Variants in ANTXR1 observed in about 807,000 individuals in gnomAD.
ANTXR1 encodes anthrax toxin receptor 1.
ANTXR1 carries 19 observed loss-of-function variants against 78.1 expected under a neutral mutation model. That is an observed-to-expected ratio of 0.24 (90% confidence interval 0.17 to 0.36). The LOEUF (loss-of-function observed/expected upper bound fraction) is 0.36, where lower values mean the gene tolerates loss of function less well. ANTXR1 is among the 10% of genes least tolerant of loss of function. The probability of loss-of-function intolerance (pLI) is 1.00; values close to 1 mark genes in which losing one functional copy is unlikely to be tolerated. For synonymous variants in ANTXR1, 273 were observed against 260.5 expected, an observed-to-expected ratio of 1.05 and a Z score of -0.46; for missense variants, 518 against 718.6, an observed-to-expected ratio of 0.72 and a Z score of 3.19.
intron 8 of ANTXR1, among the ~76,000 whole-genome samples, chr2:69,083,260 A>C (rs1670949890): frequency 6.6e-6 from 1 of 152,354 alleles, no homozygotes; most frequent in East Asian, 1.9e-4. Context: ...AAGTCCTGGA[A>C]AGTGTCTGCC....
chr2:69,119,363 G>C (rs571756193), intron 10 of ANTXR1, among the ~76,000 whole-genome samples: 1 of 152,184 alleles, frequency 6.6e-6, no homozygotes, highest in African/African-American at 2.4e-5. Context: ...TGGCTGCCCC[G>C]TGGCTCTGTG....
chr2:69,243,322 C>T (rs1675935487), intron 17 of ANTXR1, among the ~76,000 whole-genome samples: 1 of 152,298 alleles, frequency 6.6e-6, no homozygotes, highest in South Asian at 2.1e-4. Flanking sequence ...CAAAACAAGG[C>T]TGCAGCCTTC....
intron 17 of ANTXR1, among the ~76,000 whole-genome samples, chr2:69,234,843 C>T (rs1383800877): frequency 6.6e-6 from 1 of 151,990 alleles, no homozygotes; most frequent in Non-Finnish European, 1.5e-5. Context: ...ACCCATTTTA[C>T]AGAAAAGAAA....
Position 69,245,501 on chromosome 2 carries a change from C to G in ANTXR1, c.*16C>G, listed in dbSNP as rs72903178. 11,504 of 1,613,242 alleles carry G rather than the reference C, an allele frequency of 7.1e-3. 750 individuals are homozygous for G. In the African/African-American group the frequency reaches 0.13, roughly 19 times the overall value. On this transcript the variant is annotated 3_prime_UTR_variant, in exon 18 of 18. Coordinates refer to ENST00000303714, the MANE Select transcript of ANTXR1 (RefSeq NM_032208.3). ...TTCTGTCTAGAGCCCAAAGTTCCTG[C>G]TCTGGGCTCTCTCAGAAACTTCAGG...
At position 69,063,501 on chromosome 2, in the gene ANTXR1, G is replaced by T. The variant is rs555277170; in HGVS notation, c.297-7146G>T. Among the ~76,000 whole-genome samples, 4 of 151,416 alleles carry T rather than the reference G, an allele frequency of 2.6e-5. No individual in the cohort carries two copies. In the East Asian group the frequency reaches 7.8e-4, roughly 29 times the overall value. On this transcript the variant is annotated intron_variant, in intron 3 of 17. Transcript: ENST00000303714. ...AGAGAATCATCAGCAGCAAATCTGCGCTATTAAAAAAAATGCTAAAGGAAT... is the reference window on the plus strand; with the variant it reads ...AGAGAATCATCAGCAGCAAATCTGCTCTATTAAAAAAAATGCTAAAGGAAT...
chr2:69,140,083 A>G (rs1673028022), intron 12 of ANTXR1, among the ~76,000 whole-genome samples: 1 of 152,190 alleles, frequency 6.6e-6, no homozygotes, highest in African/African-American at 2.4e-5. Context: ...AATGAATCCA[A>G]AATTTACTTT....
rs764291898 is a variant in ANTXR1, at chr2:69,141,228, C to A, written c.952-10941C>A. Among the ~76,000 whole-genome samples the A allele has an allele frequency of 2.6e-5, 4 of 152,082 alleles. No homozygotes were observed. The East Asian group carries it at 7.7e-4, about 29-fold the overall frequency. On this transcript the variant is annotated intron_variant, in intron 12 of 17. Transcript: ENST00000303714. ...CACATCACCAGGAACTTGGCTTGGA[C>A]GTAGAAGGAAAGGGAGGATGGAAAG...
intron 3 of ANTXR1, among the ~76,000 whole-genome samples, chr2:69,055,962 C>T (rs1670054650): frequency 6.6e-6 from 1 of 152,102 alleles, no homozygotes. Flanking sequence ...ATAGTAATGC[C>T]CACCATATGG....
chr2:69,072,761 A>G (rs528576881), intron 5 of ANTXR1, among the ~76,000 whole-genome samples: 1 of 152,214 alleles, frequency 6.6e-6, no homozygotes, highest in Non-Finnish European at 1.5e-5. Context: ...ATGTTGGTTT[A>G]GTGACCATTT....
At position 69,022,080 on chromosome 2, in the gene ANTXR1, G is replaced by C. The variant is rs185969597; in HGVS notation, c.152+8429G>C. Among the ~76,000 whole-genome samples the C allele has an allele frequency of 1.3e-4, 20 of 152,282 alleles. No individual in the cohort carries two copies. The East Asian group carries it at 3.9e-3, about 29-fold the overall frequency. On this transcript the variant is annotated intron_variant, in intron 1 of 17. Coordinates refer to ENST00000303714, the MANE Select transcript of ANTXR1 (RefSeq NM_032208.3). ...ACCTAAGTATTACATGAATATATTTGAAAGATAAAACTCTCTTTTTCCATA... is the reference window on the plus strand; with the variant it reads ...ACCTAAGTATTACATGAATATATTTCAAAGATAAAACTCTCTTTTTCCATA...
chr2:69,066,977 C>A (rs1670418139), intron 3 of ANTXR1, among the ~76,000 whole-genome samples: 1 of 152,140 alleles, frequency 6.6e-6, no homozygotes, highest in African/African-American at 2.4e-5. Context: ...AGGTTCTTAT[C>A]ATCCCCTAAA....
In ANTXR1 at chr2:69,120,673, AG is replaced by A. The variant is rs375103084; in HGVS notation, c.803-2343del. Among the ~76,000 whole-genome samples the A allele has an allele frequency of 3.3e-5, 5 of 151,652 alleles. No individual in the cohort carries two copies. The South Asian group carries it at 6.2e-4, about 19-fold the overall frequency. ...ACAGAGTGAGACTCTCAGAAAAAAA[AG>A]ATAATAATAATAATAATAATGCTCA... On this transcript the variant is annotated intron_variant, in intron 10 of 17. Transcript: ENST00000303714.
rs1333910020 is a variant in ANTXR1 at position 69,248,961 on chromosome 2, A to G, written c.*3476A>G. ...ATAACCAAATTAAAAGAATTAGAAT[A>G]TGATTTTTAATACACTTAACATTAA... On this transcript the variant is annotated 3_prime_UTR_variant, in exon 18 of 18. Transcript: ENST00000303714. 2.6e-5 allele frequency: 4 copies of G among 152,212 alleles called. No individual in the cohort carries two copies. The highest frequency in any genetic ancestry group is 5.9e-5 in the Non-Finnish European group (4 of 68,042). The allele number at this position is 152,212 out of a possible 1,614,324, so 9.4% of individuals were successfully genotyped here. A position where few individuals can be genotyped will look rare whatever the true frequency, so the allele number is the denominator to read the frequency against.
chr2:69,244,363 G>A (rs1420618200), intron 17 of ANTXR1, among the ~76,000 whole-genome samples: 7 of 152,212 alleles, frequency 4.6e-5, no homozygotes, highest in African/African-American at 1.7e-4. Context: ...TACACAGGTT[G>A]TCAGTTCCTG....
intron 1 of ANTXR1, among the ~76,000 whole-genome samples, chr2:69,033,079 T>C (rs184865928): frequency 2.6e-5 from 4 of 152,300 alleles, no homozygotes; most frequent in East Asian, 3.9e-4. Flanking sequence ...AGGCATCAGT[T>C]AGATATACTA....
In ANTXR1 at chr2:69,236,505, G is replaced by C. The variant is rs533338941; in HGVS notation, c.1435-8720G>C. ...CTAAAACTCTGTAATTGAAAGTGTA[G>C]GGAAATAGAAATTCTCATAAAATAG... On this transcript the variant is annotated intron_variant, in intron 17 of 17. Transcript: ENST00000303714. Among the ~76,000 whole-genome samples the C allele has an allele frequency of 4.6e-5, 7 of 152,252 alleles. No individual in the cohort carries two copies. In the South Asian group the frequency reaches 1.4e-3, roughly 32 times the overall value.
intron 1 of ANTXR1, among the ~76,000 whole-genome samples, chr2:69,036,011 G>A (rs1669404734): frequency 6.6e-6 from 1 of 152,240 alleles, no homozygotes; most frequent in Admixed American, 6.5e-5. Flanking sequence ...TTATCATTGG[G>A]TGACACTTTT....
intron 12 of ANTXR1, among the ~76,000 whole-genome samples, 178 bp downstream of exon 12, chr2:69,124,821 A>G (rs2104380774): frequency 6.6e-6 from 1 of 152,242 alleles, no homozygotes; most frequent in Admixed American, 6.5e-5. Flanking sequence ...GGTGTGCTGT[A>G]CCCCAGAGTG....
At chr2:69,230,257 A>G (rs1675558224) in intron 17 of ANTXR1, among the ~76,000 whole-genome samples, 1 of 152,048 alleles carries the variant, frequency 6.6e-6, no homozygotes, top group South Asian at 2.1e-4. Flanking sequence ...AGATTTAAAG[A>G]AGGGATTTAA....
Sources: allele counts gnomAD v4.1 joint callset (sites outside exome capture counted in the v4.1 genomes callset), GRCh38; gene constraint gnomAD v4.1.1; transcripts MANE v1.5; gene names NCBI Gene and HGNC (gene_info 2026-07-23, HGNC 2026-07-21).